The following LTBP2 variants were observed in gnomAD, a reference collection of about 807,000 sequenced individuals.
The protein encoded by LTBP2 is latent transforming growth factor beta binding protein 2, also known as latent-transforming growth factor beta-binding protein 2.
A neutral mutation model predicts 210.6 loss-of-function variants in LTBP2; 103 were observed. The ratio of observed to expected loss-of-function variants is 0.49; its 90% CI spans 0.42 to 0.58. LTBP2 has a LOEUF of 0.58. Ranked by LOEUF, LTBP2 falls within the 20% of genes least tolerant of loss-of-function variation. The pLI is 0.00. For synonymous variants in LTBP2, 1,007 were observed against 1,015.0 expected (o/e 0.99, Z 0.15); for missense variants, 2,313 against 2,494.5 (o/e 0.93, Z 1.55).
chr14:74,537,366 T>C (rs886875891), intron 8 of LTBP2, among the ~76,000 whole-genome samples: 5 of 152,182 alleles, frequency 3.3e-5, no homozygotes, highest in African/African-American at 1.2e-4. Context: ...GTCTGACAAT[T>C]CTTTTGCCTA....
chr14:74,549,549 C>G (rs185431779), intron 8 of LTBP2, among the ~76,000 whole-genome samples: 1 of 152,174 alleles, frequency 6.6e-6, no homozygotes, highest in Non-Finnish European at 1.5e-5. Flanking sequence ...TCTCTGGACC[C>G]CTGGCATCTG....
chr14:74,506,187 C>T lies in LTBP2; in HGVS notation c.4038G>A (p.Val1346=), dbSNP rs760600454. 1 of 1,614,204 alleles carries T rather than the reference C, an allele frequency of 6.2e-7. No homozygotes were observed. The highest frequency in any genetic ancestry group is 8.5e-7 in the Non-Finnish European group (1 of 1,180,036). ...ISPSGWDCVD[V]NECELMLAVC... The stretch of plus-strand genomic sequence containing the variant: ...CCGCCAGCATAAGCTCACACTCGTT[C>T]ACATCTGCCAGGTGTGAGAACAGGC... The change falls in exon 28 of 36, where the codon GTG becomes GTA. Residue 1346 remains valine, a synonymous_variant. Coordinates refer to ENST00000261978, the MANE Select transcript of LTBP2 (RefSeq NM_000428.3).
intron 4 of LTBP2, among the ~76,000 whole-genome samples, chr14:74,553,269 C>A (rs555118130): frequency 6.6e-6 from 1 of 152,350 alleles, no homozygotes; most frequent in East Asian, 1.9e-4. Context: ...GCTCACACTT[C>A]ATGCACATCA....
At chr14:74,528,304 G>A (rs2087301356) in intron 12 of LTBP2, among the ~76,000 whole-genome samples, 179 bp downstream of exon 12, 1 of 152,194 alleles carries the variant, frequency 6.6e-6, no homozygotes, top group Admixed American at 6.5e-5. Context: ...AGAGGAAGTG[G>A]GTGGGGCCAG....
At chr14:74,521,086 GATT>G (rs1313040795) in intron 17 of LTBP2, among the ~76,000 whole-genome samples, 1 of 152,186 alleles carries the variant, frequency 6.6e-6, no homozygotes, top group Non-Finnish European at 1.5e-5. Context: ...ATAATCAAGT[GATT>G]GGACCTGGAT....
Position 74,611,533 on chromosome 14 carries a change from C to A in LTBP2, c.412G>T (p.Ala138Ser). The change falls in exon 1 of 36, where the codon GCC becomes TCC. Residue 138 changes from alanine (A) to serine (S), a missense_variant. This residue lies in a region of LTBP2 where 1,867 missense variants were observed against 1,976.9 expected (regional missense o/e 0.94). Transcript: ENST00000261978. ...CCCAGGCGTGGGAGAGCCGGCGCGG[C>A]CCGGGTCCGGGGTGCTGGTTGCTGC... is the stretch of plus-strand genomic sequence containing the variant. ...GQQQPAPRTR[A>S]APALPRLGTP... 1 of 1,555,362 alleles carries A rather than the reference C, an allele frequency of 6.4e-7. No homozygotes were observed. The highest frequency in any genetic ancestry group is 1.4e-5 in the African/African-American group (1 of 70,862).
Position 74,522,817 on chromosome 14 carries a change from G to T in LTBP2, c.2632C>A (p.Leu878Met), listed in dbSNP as rs144721212. ...GTGCAGTAGGCCTGGCTGGGGTGCA[G>T]CTGGTAGCCAGGGCTGCAGACACAT... ...YRCVCSPGYQ[L>M]HPSQAYCTDD... The change falls in exon 16 of 36, where the codon CTG (leucine) becomes ATG (methionine). Residue 878 changes from leucine to methionine, a missense_variant. Transcript: ENST00000261978. 18 of 1,611,584 alleles carry T rather than the reference G, an allele frequency of 1.1e-5. No individual in the cohort carries two copies. Among genetic ancestry groups the T allele is most frequent in the African/African-American group, 2.7e-5 (2 of 74,914 alleles).
In LTBP2 at chr14:74,500,019, A is replaced by C. The variant is rs1262013261; in HGVS notation, c.*865T>G. ...ATCCCAGAAGAGGTTTGTTTCCTGTAAGAAGCAGTGTTTATGTAATAGAGG... is the reference window on the plus strand; with the variant it reads ...ATCCCAGAAGAGGTTTGTTTCCTGTCAGAAGCAGTGTTTATGTAATAGAGG... On this transcript the variant is annotated 3_prime_UTR_variant, in exon 36 of 36. Transcript: ENST00000261978. The C allele has an allele frequency of 4.3e-6, 1 of 231,950 alleles. No individual in the cohort carries two copies. The highest frequency in any genetic ancestry group is 8.5e-6 in the Non-Finnish European group (1 of 117,308). 14.4% of individuals were successfully genotyped at this position (231,950 alleles called of 1,614,324 possible). A position where few individuals can be genotyped will look rare whatever the true frequency, so the allele number is the denominator to read the frequency against.
chr14:74,509,912 G>A lies in LTBP2; in HGVS notation c.3152-53C>T, dbSNP rs576482069. ...GGACTCTGCAGGACAGACAGGCCAGGACACTGGCAGGTAGGCAGGGGTGGG... is the reference window on the plus strand; with the variant it reads ...GGACTCTGCAGGACAGACAGGCCAGAACACTGGCAGGTAGGCAGGGGTGGG... On this transcript the variant is annotated intron_variant, in intron 20 of 35. Coordinates refer to ENST00000261978, the MANE Select transcript of LTBP2 (RefSeq NM_000428.3). 7.4e-6 allele frequency: 12 copies of A among 1,613,502 alleles called. No homozygotes were observed. In the South Asian group the frequency reaches 9.9e-5, roughly 13 times the overall value.
At chr14:74,553,155 T>C in intron 4 of LTBP2, 93 bp from the exon 5 acceptor site, 1 of 1,244,290 alleles carries the variant, frequency 8.0e-7, no homozygotes, top group African/African-American at 1.5e-5. Context: ...GGACTAGGGC[T>C]GCATTCATCT....
rs934996 is a variant in LTBP2 at position 74,611,835 on chromosome 14, C to A, written c.110G>T (p.Arg37Met). The A allele has an allele frequency of 1.0e-3, 1,661 of 1,611,622 alleles. 14 individuals are homozygous for A. In the African/African-American group the frequency reaches 0.02, roughly 19 times the overall value. The change falls in exon 1 of 36, where the codon AGG becomes ATG. Residue 37 changes from arginine to methionine, a missense_variant. Arg to Met is a moderately conservative substitution (Grantham distance 91). Coordinates refer to ENST00000261978, the MANE Select transcript of LTBP2 (RefSeq NM_000428.3). Reference protein sequence around the residue: ...ALFVGAGHAQRDPVGRYEPAG... With the variant: ...ALFVGAGHAQMDPVGRYEPAG... The stretch of plus-strand genomic sequence containing the variant: ...CGGCTCGTATCTCCCTACGGGGTCC[C>A]TTTGGGCATGACCCGCGCCCACGAA...
intron 18 of LTBP2, among the ~76,000 whole-genome samples, chr14:74,512,599 G>A (rs928455856): frequency 2.0e-5 from 3 of 152,180 alleles, no homozygotes; most frequent in Non-Finnish European, 4.4e-5. Context: ...AGGACACATC[G>A]AAGCCCTCTG....
chr14:74,532,276 C>T lies in LTBP2; in HGVS notation c.1987+150G>A, dbSNP rs923594049. On this transcript the variant is annotated intron_variant, in intron 10 of 35. Transcript: ENST00000261978. Reference sequence around the variant, plus strand: ...GGCTGATCAGGTTTTTCACATTGGGCCCAACTCCAGGTTGAATAGCCGACA... The same window carrying T: ...GGCTGATCAGGTTTTTCACATTGGGTCCAACTCCAGGTTGAATAGCCGACA... 42 of 1,054,552 alleles carry T rather than the reference C, an allele frequency of 4.0e-5. No homozygotes were observed. The Admixed American group carries it at 5.1e-4, about 13-fold the overall frequency. 65.3% of individuals were successfully genotyped at this position (1,054,552 alleles called of 1,614,324 possible).
At chr14:74,553,753 T>G (rs910653720) in intron 4 of LTBP2, among the ~76,000 whole-genome samples, 4 of 151,024 alleles carry the variant, frequency 2.6e-5, no homozygotes, top group Admixed American at 2.0e-4. Context: ...TTCCCAAGAG[T>G]GGTGGCAATG....
chr14:74,502,052 A>C, intron 34 of LTBP2: 2 of 271,350 alleles, frequency 7.4e-6, no homozygotes, highest in South Asian at 4.2e-5. Flanking sequence ...AACCCTCTTC[A>C]CTCCCTAAGC....
intron 3 of LTBP2, among the ~76,000 whole-genome samples, chr14:74,564,408 A>G (rs192906294): frequency 8.9e-6 from 1 of 112,526 alleles, no homozygotes; most frequent in African/African-American, 3.5e-5. Flanking sequence ...TTATATATAT[A>G]TTTTGAGACA....
rs2086965405 is a variant in LTBP2, at chr14:74,505,131, G to A, written c.4221C>T (p.Ala1407=). The A allele has an allele frequency of 6.2e-7, 1 of 1,613,780 alleles. No individual in the cohort carries two copies. The highest frequency in any genetic ancestry group is 8.5e-7 in the Non-Finnish European group (1 of 1,180,034). ...SEAPTGDHAP[A]PTRMDCYSGQ... ...CGGAGTAGCAGTCCATGCGGGTGGG[G>A]GCCGGGGCATGGTCCCCCGTTGGGG... Residue 1407 remains alanine (A), a synonymous_variant, in exon 29 of 36, where the codon GCC becomes GCT. Transcript: ENST00000261978.
chr14:74,502,957 G>C, intron 33 of LTBP2, 23 bp from the exon 34 acceptor site: 1 of 1,608,864 alleles, frequency 6.2e-7, no homozygotes, highest in Non-Finnish European at 8.5e-7. Context: ...AGGGAGAGAA[G>C]GAGCTGGGTT....
intron 3 of LTBP2, among the ~76,000 whole-genome samples, chr14:74,561,530 G>A (rs968624916): frequency 9.9e-5 from 15 of 152,084 alleles, no homozygotes; most frequent in South Asian, 2.1e-4. Flanking sequence ...GGAAAAGGCC[G>A]GAAGATCTGT....
Sources: gnomAD v4.1 joint callset for allele counts (sites outside exome capture counted in the v4.1 genomes callset) on GRCh38, gnomAD v4.1.1 for gene constraint, gnomAD v4.1.1 regional missense constraint, MANE v1.5 for transcripts, NCBI Gene and HGNC (gene_info 2026-07-23, HGNC 2026-07-21) for gene names.